The following PLEKHG3 variants were observed in gnomAD, a reference collection of about 807,000 sequenced individuals.
PLEKHG3 encodes the protein pleckstrin homology domain-containing family G member 3.
In PLEKHG3, 62 loss-of-function variants were observed where a neutral mutation model predicts 94.9. The ratio of observed to expected loss-of-function variants is 0.65; its 90% CI spans 0.53 to 0.81. PLEKHG3 has a LOEUF of 0.81. PLEKHG3 is among the 30% of genes least tolerant of loss of function. The pLI, the probability that PLEKHG3 is intolerant of heterozygous loss-of-function variation, is 0.00. For missense variants in PLEKHG3, 1,461 were observed against 1,619.3 expected (o/e 0.90, Z 1.68); for synonymous variants, 614 against 654.0 (o/e 0.94, Z 0.93).
intron 1 of PLEKHG3, among the ~76,000 whole-genome samples, chr14:64,705,603 G>C (rs1455433562): frequency 1.3e-5 from 2 of 152,210 alleles, no homozygotes; most frequent in Non-Finnish European, 2.9e-5. Context: ...CCTGGAGTGG[G>C]GGTTCCCAGA....
chr14:64,732,913 G>T lies in PLEKHG3; in HGVS notation c.1345+12G>T, dbSNP rs1223358568. 1.3e-6 allele frequency: 2 copies of T among 1,546,918 alleles called. No homozygotes were observed. Among genetic ancestry groups the T allele is most frequent in the African/African-American group, 1.4e-5 (1 of 73,830 alleles). On this transcript the variant is annotated intron_variant, in intron 12 of 16. Coordinates refer to ENST00000247226, the MANE Select transcript of PLEKHG3 (RefSeq NM_001308147.2). The surrounding 1 kb of genome is among the most constrained non-coding windows in gnomAD (Gnocchi z 4.9). The stretch of plus-strand genomic sequence containing the variant: ...GCGCCGGCAATCTGGTAAGAGAAGG[G>T]CTGTGGAGGCAGGAGGCCTCTCCCT...
In PLEKHG3 at chr14:64,730,654, G is replaced by A; in HGVS notation, c.532G>A (p.Asp178Asn). 1 of 1,612,504 alleles carries A rather than the reference G, an allele frequency of 6.2e-7. No individual in the cohort carries two copies. Among genetic ancestry groups the A allele is most frequent in the African/African-American group, 1.3e-5 (1 of 74,950 alleles). Residue 178 changes from aspartate (D) to asparagine (N), a missense_variant, in exon 5 of 17, where the codon GAT becomes AAT. By Grantham distance (23) the Asp-to-Asn change is conservative. Transcript: ENST00000247226. The surrounding 1 kb of genome is among the most constrained non-coding windows in gnomAD (Gnocchi z 5.4). The part of the protein sequence containing the change: ...SCFVERSQEF[D>N]IYTQYCNNYP... ...GATCTCTTCTTAGAGCCAAGAGTTTGATATCTACACTCAGTATTGCAACAA... is the reference window on the plus strand; with the variant it reads ...GATCTCTTCTTAGAGCCAAGAGTTTAATATCTACACTCAGTATTGCAACAA...
intron 14 of PLEKHG3, chr14:64,737,965 A>G: frequency 8.1e-7 from 1 of 1,228,052 alleles, no homozygotes; most frequent in Non-Finnish European, 1.0e-6. Context: ...GAAGAGGAAG[A>G]GGAGGAGGTG....
chr14:64,719,017 A>G (rs969543334), intron 1 of PLEKHG3, among the ~76,000 whole-genome samples: 10 of 152,082 alleles, frequency 6.6e-5, no homozygotes, highest in Non-Finnish European at 1.5e-4. Context: ...GGGATCTGCT[A>G]TAGCTGCGGG....
At position 64,743,799 on chromosome 14, in the gene PLEKHG3, G is replaced by C; in HGVS notation, c.*96G>C. 1 of 1,363,168 alleles carries C rather than the reference G, an allele frequency of 7.3e-7. No homozygotes were observed. Among genetic ancestry groups the C allele is most frequent in the Non-Finnish European group, 9.7e-7 (1 of 1,027,762 alleles). The allele number at this position is 1,363,168 out of a possible 1,614,324, so 84.4% of individuals were successfully genotyped here. A position where few individuals can be genotyped will look rare whatever the true frequency, so the allele number is the denominator to read the frequency against. On this transcript the variant is annotated 3_prime_UTR_variant, in exon 17 of 17. Coordinates refer to ENST00000247226, the MANE Select transcript of PLEKHG3 (RefSeq NM_001308147.2). The surrounding 1 kb of genome is among the most constrained non-coding windows in gnomAD (Gnocchi z 7.2). ...CCTGGGCTCATGGAGCCCCTGCCCA[G>C]GGCCCTCAGGTGGGCGGAAAGTCCA...
rs752022533 is a variant in PLEKHG3, at chr14:64,743,697, C to A, written c.3654C>A (p.Val1218=). 1.3e-6 allele frequency: 2 copies of A among 1,545,536 alleles called. No homozygotes were observed. Among genetic ancestry groups the A allele is most frequent in the Non-Finnish European group, 1.7e-6 (2 of 1,148,768 alleles). ...AGAAGTTCCAGGCCTTGAACTCTGT[C>A]GGTTGATGCTGACTCCTGGGGGAGG... ...LREKFQALNS[V]G Residue 1218 remains valine (V), a synonymous_variant, in exon 17 of 17, where the codon GTC becomes GTA. Coordinates refer to ENST00000247226, the MANE Select transcript of PLEKHG3 (RefSeq NM_001308147.2). The surrounding 1 kb of genome is among the most constrained non-coding windows in gnomAD (Gnocchi z 7.2).
rs73273517 is a variant in PLEKHG3 at position 64,725,064 on chromosome 14, G to C, written c.-39-2529G>C. Reference sequence around the variant, plus strand: ...ATGATCAATCAGAGAGAAAACTTCTGTAAGTAGAAAAGACATATTAGTTTC... The same window carrying C: ...ATGATCAATCAGAGAGAAAACTTCTCTAAGTAGAAAAGACATATTAGTTTC... On this transcript the variant is annotated intron_variant, in intron 1 of 16. Coordinates refer to ENST00000247226, the MANE Select transcript of PLEKHG3 (RefSeq NM_001308147.2). This position sits in a 1 kb window ranked among gnomAD's most constrained non-coding sequence, Gnocchi z 5.0. Among the ~76,000 whole-genome samples the C allele has an allele frequency of 0.16, 23,759 of 152,178 alleles. 1,968 individuals carry two copies. The highest frequency in any genetic ancestry group is 0.2 in the African/African-American group (8,324 of 41,502).
At chr14:64,740,764 G>A (rs930627939) in intron 15 of PLEKHG3, among the ~76,000 whole-genome samples, 8 of 152,230 alleles carry the variant, frequency 5.3e-5, no homozygotes, top group Admixed American at 2.6e-4. Context: ...TGCCATCAAG[G>A]TGTTGCCATC....
intron 1 of PLEKHG3, among the ~76,000 whole-genome samples, chr14:64,719,612 T>C (rs1395448994): frequency 1.3e-5 from 2 of 152,156 alleles, no homozygotes; most frequent in African/African-American, 4.8e-5. Context: ...TGGGCTCTAC[T>C]GCATCTGTGC....
Position 64,741,361 on chromosome 14 carries a change from G to C in PLEKHG3, c.1844G>C (p.Arg615Pro), listed in dbSNP as rs750439742. 6.2e-7 allele frequency: 1 copy of C among 1,613,488 alleles called. No homozygotes were observed. The highest frequency in any genetic ancestry group is 2.2e-5 in the East Asian group (1 of 44,886). The change falls in exon 16 of 17, where the codon CGG (arginine) becomes CCG (proline). Residue 615 changes from arginine to proline, a missense_variant. Coordinates refer to ENST00000247226, the MANE Select transcript of PLEKHG3 (RefSeq NM_001308147.2). ...GAGCGATTTGTCAGCAGCTTCTCTC[G>C]GCGGAGCAGCGTGGCACAGGAGGAC... ...IAERFVSSFS[R>P]RSSVAQEDSK...
chr14:64,717,252 G>A lies in PLEKHG3; in HGVS notation c.-39-10341G>A, dbSNP rs1344497037. On this transcript the variant is annotated intron_variant, in intron 1 of 16. Transcript: ENST00000247226. This position sits in a 1 kb window ranked among gnomAD's most constrained non-coding sequence, Gnocchi z 4.7. ...GGGCAAAGAAAGGGGATGTGTTGGA[G>A]CTCTTCTCTTGCTGTATCACCTTCG... Among the ~76,000 whole-genome samples the A allele has an allele frequency of 1.3e-5, 2 of 152,198 alleles. No individual in the cohort carries two copies. Among genetic ancestry groups the A allele is most frequent in the African/African-American group, 4.8e-5 (2 of 41,448 alleles).
In PLEKHG3 at chr14:64,716,466, AACACAC is replaced by A. The variant is rs1555359404; in HGVS notation, c.-39-11117_-39-11112del. ...CACACACACACACACACACACACAC[AACACAC>A]ACACACACAACACACACACACACAA... On this transcript the variant is annotated intron_variant, in intron 1 of 16. Coordinates refer to ENST00000247226, the MANE Select transcript of PLEKHG3 (RefSeq NM_001308147.2). The surrounding 1 kb of genome is among the most constrained non-coding windows in gnomAD (Gnocchi z 5.0). Among the ~76,000 whole-genome samples the A allele has an allele frequency of 1.2e-5, 1 of 86,446 alleles. No homozygotes were observed. The allele number at this position is 86,446 out of a possible 152,430, so 56.7% of individuals were successfully genotyped here. A position where few individuals can be genotyped will look rare whatever the true frequency, so the allele number is the denominator to read the frequency against.
Position 64,732,099 on chromosome 14 carries a change from A to G in PLEKHG3, c.1130A>G (p.Lys377Arg), listed in dbSNP as rs1057225748. The change falls in exon 10 of 17, where the codon AAG becomes AGG. Residue 377 changes from lysine to arginine, a missense_variant. Around this residue, in one of 3 missense-constraint regions of PLEKHG3, gnomAD observed 1,201 missense variants for 1,295.5 expected, o/e 0.93. Coordinates refer to ENST00000247226, the MANE Select transcript of PLEKHG3 (RefSeq NM_001308147.2). This position sits in a 1 kb window ranked among gnomAD's most constrained non-coding sequence, Gnocchi z 4.9. ...HSKQQYSIQAKTVEEKRNWTH... is the reference protein window; with the variant it reads ...HSKQQYSIQARTVEEKRNWTH... The stretch of plus-strand genomic sequence containing the variant: ...CTTTCCCTTGGGTCCTCCCAGGCCA[A>G]GACAGTGGAGGAGAAACGGAACTGG... 16 of 1,612,110 alleles carry G rather than the reference A, an allele frequency of 9.9e-6. No individual in the cohort carries two copies. Among genetic ancestry groups the G allele is most frequent in the Non-Finnish European group, 1.4e-5 (16 of 1,178,288 alleles).
rs2081703652 is a variant in PLEKHG3, at chr14:64,741,873, C to G, written c.2356C>G (p.Leu786Val). ...QVGSRPTSWA[L>V]FELPGPSQAV... ...GGGCTCCCGGCCGACTTCGTGGGCCCTGTTTGAGCTCCCAGGACCAAGCCA... is the reference window on the plus strand; with the variant it reads ...GGGCTCCCGGCCGACTTCGTGGGCCGTGTTTGAGCTCCCAGGACCAAGCCA... The change falls in exon 16 of 17, where the codon CTG (leucine) becomes GTG (valine). Residue 786 changes from leucine to valine, a missense_variant. Around this residue, in one of 3 missense-constraint regions of PLEKHG3, gnomAD observed 1,201 missense variants for 1,295.5 expected, o/e 0.93. Coordinates refer to ENST00000247226, the MANE Select transcript of PLEKHG3 (RefSeq NM_001308147.2). The G allele has an allele frequency of 6.2e-7, 1 of 1,612,764 alleles. No homozygotes were observed. Among genetic ancestry groups the G allele is most frequent in the Non-Finnish European group, 8.5e-7 (1 of 1,179,634 alleles).
chr14:64,749,464 G>A lies in PLEKHG3; in HGVS notation c.*5761G>A, dbSNP rs1443741893. ...GTGCTCACGCCCTGCAGCCAGGACA[G>A]CATCTCCTCCTGCGGGGCGGAGGGT... On this transcript the variant is annotated 3_prime_UTR_variant, in exon 17 of 17. Coordinates refer to ENST00000247226, the MANE Select transcript of PLEKHG3 (RefSeq NM_001308147.2). The surrounding 1 kb of genome is among the most constrained non-coding windows in gnomAD (Gnocchi z 4.7). 1.9e-6 allele frequency: 3 copies of A among 1,601,070 alleles called. No individual in the cohort carries two copies. Among genetic ancestry groups the A allele is most frequent in the Non-Finnish European group, 2.5e-6 (3 of 1,178,332 alleles).
rs1301022337 is a variant in PLEKHG3 at position 64,741,488 on chromosome 14, C to G, written c.1971C>G (p.Ala657=). The stretch of plus-strand genomic sequence containing the variant: ...AGGGCCTGGCCCGGCATGGCAGTGC[C>G]ACAGACTCCCTCAGCTGTCAGCTCT... ...SEKGLARHGS[A]TDSLSCQLSP... Residue 657 remains alanine (A), a synonymous_variant, in exon 16 of 17, where the codon GCC becomes GCG. Transcript: ENST00000247226. 5 of 1,612,732 alleles carry G rather than the reference C, an allele frequency of 3.1e-6. No homozygotes were observed. The highest frequency in any genetic ancestry group is 3.4e-6 in the Non-Finnish European group (4 of 1,180,014).
intron 1 of PLEKHG3, among the ~76,000 whole-genome samples, chr14:64,711,102 C>T (rs1594657788): frequency 6.6e-6 from 1 of 152,140 alleles, no homozygotes; most frequent in East Asian, 1.9e-4. Flanking sequence ...CCACTTCACC[C>T]ACCCCAGATG....
In PLEKHG3 at chr14:64,726,071, G is replaced by A. The variant is rs1252138787; in HGVS notation, c.-39-1522G>A. ...GGGATATTGGAAGGTTCCTGGAGGG[G>A]GCGATGTCTAATTGGAGACCTAAAG... On this transcript the variant is annotated intron_variant, in intron 1 of 16. Coordinates refer to ENST00000247226, the MANE Select transcript of PLEKHG3 (RefSeq NM_001308147.2). This position sits in a 1 kb window ranked among gnomAD's most constrained non-coding sequence, Gnocchi z 5.1. Among the ~76,000 whole-genome samples, 1 of 152,118 alleles carries A rather than the reference G, an allele frequency of 6.6e-6. No homozygotes were observed. Among genetic ancestry groups the A allele is most frequent in the African/African-American group, 2.4e-5 (1 of 41,410 alleles).
intron 1 of PLEKHG3, among the ~76,000 whole-genome samples, chr14:64,712,426 A>T (rs1182411464): frequency 6.6e-6 from 1 of 152,190 alleles, no homozygotes; most frequent in South Asian, 2.1e-4. Flanking sequence ...GAGTATTGCC[A>T]TATTAACAAT....
Sources: gnomAD v4.1 joint callset for allele counts (sites outside exome capture counted in the v4.1 genomes callset) on GRCh38, gnomAD v4.1.1 for gene constraint, gnomAD v4.1.1 regional missense constraint, Gnocchi (gnomAD v3.1) non-coding constraint, MANE v1.5 for transcripts, NCBI Gene and HGNC (gene_info 2026-07-23, HGNC 2026-07-21) for gene names.